PTPRM: variants seen among roughly 807,000 people sequenced by gnomAD.
PTPRM encodes protein tyrosine phosphatase receptor type M.
A neutral mutation model predicts 186.7 loss-of-function variants in PTPRM; 47 were observed. The ratio of observed to expected loss-of-function variants is 0.25; its 90% CI spans 0.20 to 0.32. The LOEUF (loss-of-function observed/expected upper bound fraction) is 0.32. Ranked by LOEUF, PTPRM falls within the 10% of genes least tolerant of loss-of-function variation. PTPRM has a pLI of 1.00. For missense variants in PTPRM, 1,494 were observed against 1,865.0 expected, an observed-to-expected ratio of 0.80 and a Z score of 3.66; for synonymous variants, 668 against 674.9, an observed-to-expected ratio of 0.99 and a Z score of 0.16.
At chr18:7,833,216 A>G (rs1240241723) in intron 2 of PTPRM, among the ~76,000 whole-genome samples, 1 of 152,144 alleles carries the variant, frequency 6.6e-6, no homozygotes, top group Non-Finnish European at 1.5e-5. Context: ...TAGTGTGGAC[A>G]TTTTAACAAT....
intron 14 of PTPRM, among the ~76,000 whole-genome samples, chr18:8,221,648 G>A (rs1458298989): frequency 6.6e-6 from 1 of 152,218 alleles, no homozygotes; most frequent in Non-Finnish European, 1.5e-5. Context: ...TTGTTTGCCT[G>A]TGAGTGGATG....
intron 1 of PTPRM, among the ~76,000 whole-genome samples, chr18:7,746,731 G>A (rs2040997550): frequency 6.6e-6 from 1 of 152,152 alleles, no homozygotes; most frequent in Non-Finnish European, 1.5e-5. Context: ...CTCCTAAAGT[G>A]CTGGGATTAC....
intron 1 of PTPRM, among the ~76,000 whole-genome samples, chr18:7,632,042 T>C (rs1357268225): frequency 6.6e-6 from 1 of 152,238 alleles, no homozygotes; most frequent in Non-Finnish European, 1.5e-5. Context: ...TAGTGTTCTA[T>C]GCTAGGCACG....
In PTPRM at chr18:7,567,857, A is replaced by C; in HGVS notation, c.39A>C (p.Gly13=). 1 of 1,562,914 alleles carries C rather than the reference A, an allele frequency of 6.4e-7. No individual in the cohort carries two copies. Among genetic ancestry groups the C allele is most frequent in the South Asian group, 1.2e-5 (1 of 86,356 alleles). The change falls in exon 1 of 33, where the codon GGA becomes GGC. Residue 13 remains glycine, a synonymous_variant. Transcript: ENST00000580170. This position sits in a 1 kb window ranked among gnomAD's most constrained non-coding sequence, Gnocchi z 4.3. ...GLGTCLATLA[G]LLLTAAGETF... ...GGACTTGCCTGGCGACTTTGGCCGGACTTTTGCTAACTGCGGCGGGCGAGA... is the reference window on the plus strand; with the variant it reads ...GGACTTGCCTGGCGACTTTGGCCGGCCTTTTGCTAACTGCGGCGGGCGAGA...
chr18:7,833,987 C>G lies in PTPRM; in HGVS notation c.197-54119C>G, dbSNP rs146576601. 2.2e-3 allele frequency among the ~76,000 whole-genome samples: 338 copies of G among 152,184 alleles called. 1 individual carries two copies. Among genetic ancestry groups the G allele is most frequent in the African/African-American group, 7.8e-3 (324 of 41,532 alleles). On this transcript the variant is annotated intron_variant, in intron 2 of 32. Coordinates refer to ENST00000580170, the MANE Select transcript of PTPRM (RefSeq NM_001105244.2). The stretch of plus-strand genomic sequence containing the variant: ...GCCTGATTGTTCTAGCTAGGACTTC[C>G]AGTACTATCATCAATAACAGTGGGG...
chr18:7,717,813 C>T (rs933810529), intron 1 of PTPRM, among the ~76,000 whole-genome samples: 5 of 152,186 alleles, frequency 3.3e-5, no homozygotes, highest in Admixed American at 3.3e-4. Context: ...TGTGTGCTCC[C>T]TCCTGCAAGG....
chr18:7,629,613 A>G (rs1195756875), intron 1 of PTPRM, among the ~76,000 whole-genome samples: 1 of 152,114 alleles, frequency 6.6e-6, no homozygotes, highest in Admixed American at 6.5e-5. Context: ...TACTCAAGAG[A>G]GTGAAGGGCA....
At chr18:7,941,216 T>C (rs80307289) in intron 5 of PTPRM, among the ~76,000 whole-genome samples, 3,490 of 152,272 alleles carry the variant, frequency 0.023, 47 homozygotes, top group African/African-American at 0.045. Context: ...GGGGATTTAT[T>C]CACTGTCTAG....
At chr18:8,322,459 C>A (rs1487336750) in intron 22 of PTPRM, among the ~76,000 whole-genome samples, 3 of 152,052 alleles carry the variant, frequency 2.0e-5, no homozygotes, top group Non-Finnish European at 4.4e-5. Context: ...TATATGATGA[C>A]CCAATATTAA....
intron 1 of PTPRM, among the ~76,000 whole-genome samples, chr18:7,582,396 G>A (rs968025970): frequency 2.0e-5 from 3 of 152,196 alleles, no homozygotes; most frequent in African/African-American, 7.2e-5. Flanking sequence ...TCCAAAGAGA[G>A]AGCAGAAGTG....
intron 22 of PTPRM, among the ~76,000 whole-genome samples, chr18:8,336,756 G>C (rs1807106025): frequency 6.6e-6 from 1 of 152,012 alleles, no homozygotes; most frequent in Admixed American, 6.6e-5. Flanking sequence ...GAGGCGGGCA[G>C]ATCATGAGGT....
intron 19 of PTPRM, among the ~76,000 whole-genome samples, chr18:8,262,652 T>C (rs1207907443): frequency 6.6e-6 from 1 of 152,140 alleles, no homozygotes; most frequent in African/African-American, 2.4e-5. Context: ...GAAACAACCA[T>C]TCCCCCTACA....
chr18:8,207,904 A>C (rs2159954), intron 14 of PTPRM, among the ~76,000 whole-genome samples: 1 of 152,052 alleles, frequency 6.6e-6, no homozygotes, highest in Non-Finnish European at 1.5e-5. Flanking sequence ...TGTGTGTGTT[A>C]GTGTGTTGTA....
intron 1 of PTPRM, among the ~76,000 whole-genome samples, chr18:7,626,674 G>T (rs1287054915): frequency 6.6e-6 from 1 of 152,076 alleles, no homozygotes; most frequent in African/African-American, 2.4e-5. Flanking sequence ...GCTGCAGATT[G>T]TACACTGGGG....
intron 2 of PTPRM, among the ~76,000 whole-genome samples, chr18:7,789,750 G>A (rs2043250177): frequency 6.6e-6 from 1 of 152,140 alleles, no homozygotes; most frequent in Admixed American, 6.5e-5. Flanking sequence ...GTGCAGGGAA[G>A]GGTTGCCTTC....
chr18:7,651,945 T>C (rs1387086485), intron 1 of PTPRM, among the ~76,000 whole-genome samples: 5 of 151,990 alleles, frequency 3.3e-5, no homozygotes, highest in Non-Finnish European at 7.4e-5. Flanking sequence ...CAAAAGAAAC[T>C]ACCATCAGAG....
chr18:8,070,129 CTG>C (rs2148441399), intron 8 of PTPRM, 135 bp downstream of exon 8: 2 of 784,428 alleles, frequency 2.5e-6, no homozygotes, highest in African/African-American at 3.5e-5. Flanking sequence ...TATCTGTACT[CTG>C]TATTCTTAAG....
At chr18:8,246,082 C>T (rs753228910) in intron 15 of PTPRM, among the ~76,000 whole-genome samples, 2 of 152,170 alleles carry the variant, frequency 1.3e-5, no homozygotes, top group African/African-American at 4.8e-5. Context: ...AATGAGTTCT[C>T]ATCAGATCTC....
chr18:7,972,342 G>A (rs1484859230), intron 7 of PTPRM, among the ~76,000 whole-genome samples: 40 of 128,174 alleles, frequency 3.1e-4, no homozygotes, highest in Non-Finnish European at 5.4e-4. Context: ...GGATAGCATT[G>A]GGAGATATAC....
Sources: allele counts gnomAD v4.1 joint callset (sites outside exome capture counted in the v4.1 genomes callset), GRCh38; gene constraint gnomAD v4.1.1; non-coding constraint Gnocchi (gnomAD v3.1); transcripts MANE v1.5; gene names NCBI Gene and HGNC (gene_info 2026-07-23, HGNC 2026-07-21).